The following GPHN variants were observed in gnomAD, a reference collection of about 807,000 sequenced individuals.
GPHN encodes gephyrin.
A neutral mutation model predicts 95.5 loss-of-function variants in GPHN; 17 were observed. The ratio of observed to expected loss-of-function variants is 0.18; its 90% CI spans 0.12 to 0.27. The LOEUF is 0.27. GPHN is among the 10% of genes least tolerant of loss of function. The pLI, the probability that GPHN is intolerant of heterozygous loss-of-function variation, is 1.00. For synonymous variants in GPHN, 320 were observed against 322.5 expected (o/e 0.99, Z 0.08); for missense variants, 660 against 978.1 (o/e 0.67, Z 4.34).
chr14:66,728,751 G>T (rs149040110), intron 2 of GPHN, among the ~76,000 whole-genome samples: 1 of 152,298 alleles, frequency 6.6e-6, no homozygotes, highest in Non-Finnish European at 1.5e-5. Flanking sequence ...AAAGGGACTT[G>T]CCTTATCTCA....
the GPHN span, among the ~76,000 whole-genome samples, chr14:67,635,854 A>G: frequency 3.3e-5 from 5 of 152,174 alleles, no homozygotes; most frequent in African/African-American, 1.2e-4. Flanking sequence ...TTCATCTAAA[A>G]AAAATTTTTT....
intron 4 of GPHN, among the ~76,000 whole-genome samples, chr14:66,851,353 T>G (rs1383431169): frequency 6.6e-6 from 1 of 152,118 alleles, no homozygotes; most frequent in Non-Finnish European, 1.5e-5. Flanking sequence ...TTACTTTTTT[T>G]TTTTCAAAGA....
intron 1 of GPHN, among the ~76,000 whole-genome samples, chr14:66,567,244 A>G (rs2060496697): frequency 1.3e-5 from 2 of 152,170 alleles, no homozygotes; most frequent in Admixed American, 1.3e-4. Context: ...AGTAGAGCCT[A>G]GAGGCATTAT....
At chr14:67,558,341 A>C in the GPHN span, among the ~76,000 whole-genome samples, 94,361 of 151,976 alleles carry the variant, frequency 0.62, 29,498 homozygotes, top group Non-Finnish European at 0.65. Flanking sequence ...TTCCAACCAT[A>C]ATGGGCAGAT....
intron 2 of GPHN, among the ~76,000 whole-genome samples, chr14:66,739,589 TTAAAG>T (rs1271830725): frequency 1.3e-5 from 2 of 151,778 alleles, no homozygotes; most frequent in Non-Finnish European, 2.9e-5. Context: ...TGAATTTAGT[TTAAAG>T]TAGTCTATGA....
intron 5 of GPHN, among the ~76,000 whole-genome samples, chr14:66,910,142 A>G (rs1254931871): frequency 6.6e-6 from 1 of 151,996 alleles, no homozygotes; most frequent in Admixed American, 6.6e-5. Context: ...GGCACCCTGC[A>G]CTAACAGACG....
the GPHN span, chr14:67,473,310 G>A: frequency 6.8e-7 from 1 of 1,467,152 alleles, no homozygotes; most frequent in Non-Finnish European, 9.3e-7. This position sits in a 1 kb window ranked among gnomAD's most constrained non-coding sequence, Gnocchi z 6.5. Flanking sequence ...ATAGGGCTGA[G>A]GCTTGGCCGG....
chr14:67,302,926 T>C, the GPHN span, among the ~76,000 whole-genome samples: 1 of 152,220 alleles, frequency 6.6e-6, no homozygotes, highest in Non-Finnish European at 1.5e-5. Flanking sequence ...GTTCTTTTAT[T>C]TTATTATCTG....
chr14:67,325,050 G>A, the GPHN span, among the ~76,000 whole-genome samples: 2 of 151,530 alleles, frequency 1.3e-5, no homozygotes, highest in Admixed American at 6.6e-5. Context: ...GACTACAGGT[G>A]CCCACCATCA....
chr14:67,477,917 C>T, the GPHN span, among the ~76,000 whole-genome samples: 1 of 152,204 alleles, frequency 6.6e-6, no homozygotes, highest in South Asian at 2.1e-4. Context: ...ACATCCCCAC[C>T]CTAACATGAG....
chr14:67,135,228 G>A (rs1595314963), intron 17 of GPHN, among the ~76,000 whole-genome samples: 2 of 152,018 alleles, frequency 1.3e-5, no homozygotes, highest in Middle Eastern at 6.8e-3. Flanking sequence ...CCAAAGTGCT[G>A]GGATTATAGG....
chr14:67,392,460 C>T, the GPHN span: 8 of 1,504,806 alleles, frequency 5.3e-6, no homozygotes, highest in Non-Finnish European at 6.5e-6. Context: ...GACTCTGCTA[C>T]AGAAAAGACC....
chr14:66,936,847 A>C (rs2067155963), intron 8 of GPHN, among the ~76,000 whole-genome samples: 1 of 152,214 alleles, frequency 6.6e-6, no homozygotes, highest in African/African-American at 2.4e-5. Flanking sequence ...CCTGATCAGG[A>C]CTAAACTTAT....
At chr14:67,387,519 A>G in the GPHN span, 2 of 1,543,130 alleles carry the variant, frequency 1.3e-6, no homozygotes, top group Non-Finnish European at 1.8e-6. Context: ...TTCATCTTGA[A>G]CCAGCAGAAA....
At chr14:67,653,585 G>A in the GPHN span, 1 of 1,195,566 alleles carries the variant, frequency 8.4e-7, no homozygotes, top group Non-Finnish European at 1.2e-6. Flanking sequence ...TAGGCATTAA[G>A]GGATATATGT....
chr14:67,722,768 G>A, the GPHN span: 1 of 1,361,636 alleles, frequency 7.3e-7, no homozygotes, highest in Non-Finnish European at 1.1e-6. Flanking sequence ...CTGGAAGCCG[G>A]TTCTCAGCTG....
chr14:67,317,523 A>C, the GPHN span: 4 of 1,354,648 alleles, frequency 3.0e-6, no homozygotes, highest in Non-Finnish European at 1.0e-6. Context: ...ATCTGAAAGG[A>C]GTCTAAACCT....
At chr14:67,102,625 A>C (rs2077776815) in intron 13 of GPHN, among the ~76,000 whole-genome samples, 1 of 152,066 alleles carries the variant, frequency 6.6e-6, no homozygotes, top group African/African-American at 2.4e-5. Context: ...TCACCACTGC[A>C]CTCCAGCCTG....
chr14:67,557,527 T>C, the GPHN span: 1 of 967,250 alleles, frequency 1.0e-6, no homozygotes, highest in Non-Finnish European at 1.5e-6. Context: ...GGGAACTCGC[T>C]CCCTCCTGAG....
Sources: allele counts gnomAD v4.1 joint callset (sites outside exome capture counted in the v4.1 genomes callset), GRCh38; gene constraint gnomAD v4.1.1; non-coding constraint Gnocchi (gnomAD v3.1); transcripts MANE v1.5; gene names NCBI Gene and HGNC (gene_info 2026-07-23, HGNC 2026-07-21).